TTC6: variants seen among roughly 807,000 people sequenced by gnomAD.
TTC6 encodes tetratricopeptide repeat protein 6.
TTC6 carries 172 observed loss-of-function variants against 210.4 expected under a neutral mutation model. That is an observed-to-expected ratio of 0.82 (90% CI 0.72 to 0.93). TTC6 has a LOEUF of 0.93. Ranked by LOEUF, TTC6 falls within the 40% of genes least tolerant of loss-of-function variation. TTC6 has a pLI of 0.00. For synonymous variants in TTC6, 804 were observed against 819.6 expected, an observed-to-expected ratio of 0.98 and a Z score of 0.32; for missense variants, 2,414 against 2,318.1, an observed-to-expected ratio of 1.04 and a Z score of -0.85.
At chr14:37,787,302 A>G (rs1032932112) in intron 14 of TTC6, among the ~76,000 whole-genome samples, 166 bp from the exon 17 acceptor site, 1 of 152,228 alleles carries the variant, frequency 6.6e-6, no homozygotes, top group Non-Finnish European at 1.5e-5. Flanking sequence ...CAATTTATAA[A>G]AAGTTTGTAT....
intron 5 of TTC6, among the ~76,000 whole-genome samples, chr14:37,708,069 A>G (rs1190919053): frequency 6.6e-6 from 1 of 152,074 alleles, no homozygotes; most frequent in Non-Finnish European, 1.5e-5. Flanking sequence ...AGATTACTAT[A>G]AGCTTTTCTT....
intron 10 of TTC6, among the ~76,000 whole-genome samples, chr14:37,747,421 T>G (rs1304934869): frequency 6.6e-6 from 1 of 152,208 alleles, no homozygotes; most frequent in Non-Finnish European, 1.5e-5. Flanking sequence ...ATCCTGGGAT[T>G]AAAAATGTAA....
chr14:37,599,681 C>T (rs1043761211), intron 1 of TTC6, among the ~76,000 whole-genome samples: 3 of 152,198 alleles, frequency 2.0e-5, no homozygotes, highest in Non-Finnish European at 4.4e-5. Flanking sequence ...AGAGCATCGC[C>T]TTGCCAAAAT....
At chr14:37,836,004 C>T (rs1195777667) in intron 29 of TTC6, among the ~76,000 whole-genome samples, 1 of 152,100 alleles carries the variant, frequency 6.6e-6, no homozygotes, top group East Asian at 1.9e-4. Context: ...ACTTGAAACC[C>T]TCCTTCTTTC....
At chr14:37,730,252 C>G (rs1485928885) in intron 7 of TTC6, among the ~76,000 whole-genome samples, 2 of 152,076 alleles carry the variant, frequency 1.3e-5, no homozygotes, top group Non-Finnish European at 2.9e-5. Flanking sequence ...ACCTGTTATT[C>G]CTTCTCTTAA....
intron 24 of TTC6, among the ~76,000 whole-genome samples, chr14:37,809,247 ATTTTTT>A (rs3062846): frequency 3.9e-5 from 4 of 102,602 alleles, no homozygotes; most frequent in Non-Finnish European, 3.9e-5. Flanking sequence ...CATATGCAGA[ATTTTTT>A]TTTTTTTTTT....
chr14:37,822,725 A>G (rs1169550386), intron 26 of TTC6, among the ~76,000 whole-genome samples: 1 of 152,112 alleles, frequency 6.6e-6, no homozygotes, highest in Non-Finnish European at 1.5e-5. Flanking sequence ...TAGGTGTAGA[A>G]TGTGTGGTAG....
At chr14:37,732,042 A>G (rs533888593) in intron 7 of TTC6, among the ~76,000 whole-genome samples, 97 of 152,308 alleles carry the variant, frequency 6.4e-4, no homozygotes, top group Non-Finnish European at 1.1e-3. Context: ...ATCCCTGCAC[A>G]GTTGAAAATT....
At chr14:37,748,900 A>T (rs2095943748) in intron 10 of TTC6, 39 bp from the exon 13 acceptor site, 1 of 1,392,122 alleles carries the variant, frequency 7.2e-7, no homozygotes, top group African/African-American at 1.5e-5. Flanking sequence ...AGATGATTGT[A>T]TTTCTGTAAT....
intron 14 of TTC6, among the ~76,000 whole-genome samples, chr14:37,759,938 G>T (rs1359389668): frequency 2.0e-5 from 3 of 152,104 alleles, no homozygotes; most frequent in Admixed American, 1.3e-4. Context: ...CTTGCATTGG[G>T]TTAGAATATG....
At chr14:37,676,027 G>A (rs1185506718) in intron 1 of TTC6, among the ~76,000 whole-genome samples, 1 of 151,990 alleles carries the variant, frequency 6.6e-6, no homozygotes, top group African/African-American at 2.4e-5. Flanking sequence ...GTGACTTCCA[G>A]AATATTCTTG....
intron 1 of TTC6, among the ~76,000 whole-genome samples, chr14:37,652,454 A>G (rs2095714807): frequency 1.3e-5 from 2 of 152,256 alleles, no homozygotes; most frequent in African/African-American, 2.4e-5. Context: ...GGAAGATGCA[A>G]GAAGAAATAG....
chr14:37,624,970 C>T (rs936711398), intron 1 of TTC6, among the ~76,000 whole-genome samples: 11 of 152,102 alleles, frequency 7.2e-5, no homozygotes, highest in Admixed American at 6.5e-4. Context: ...TGTTTTATGT[C>T]GGAGAGTGGC....
chr14:37,721,847 CATAT>C (rs35265224), intron 6 of TTC6, among the ~76,000 whole-genome samples: 46,404 of 117,000 alleles, frequency 0.4, 9,717 homozygotes, highest in East Asian at 0.55. Flanking sequence ...TGAGTTTCAC[CATAT>C]ATATATATAT....
At chr14:37,599,939 G>A (rs2095612340) in intron 1 of TTC6, among the ~76,000 whole-genome samples, 1 of 152,180 alleles carries the variant, frequency 6.6e-6, no homozygotes, top group Admixed American at 6.5e-5. Context: ...AGCGCCTGTT[G>A]GAGGACGTGC....
At chr14:37,633,279 C>T (rs2095673613) in intron 1 of TTC6, among the ~76,000 whole-genome samples, 1 of 152,220 alleles carries the variant, frequency 6.6e-6, no homozygotes, top group African/African-American at 2.4e-5. Flanking sequence ...ATCTCCTGGT[C>T]TGCATGTTGC....
At chr14:37,827,395 T>G in intron 29 of TTC6, 29 bp downstream of exon 31, 1 of 1,605,110 alleles carries the variant, frequency 6.2e-7, no homozygotes, top group Non-Finnish European at 8.5e-7. Flanking sequence ...AACGCTTTCT[T>G]TTTGACCTGG....
chr14:37,717,822 G>A (rs372518232), intron 6 of TTC6, among the ~76,000 whole-genome samples: 4 of 152,298 alleles, frequency 2.6e-5, no homozygotes, highest in African/African-American at 9.6e-5. Flanking sequence ...TCAAATGTTT[G>A]TCTCCTCCAA....
chr14:37,824,095 T>A, intron 27 of TTC6, 138 bp downstream of exon 29: 2 of 833,002 alleles, frequency 2.4e-6, no homozygotes, highest in Non-Finnish European at 3.7e-6. Flanking sequence ...GGTTCCAGAG[T>A]AGCAGTGGGA....
Sources: allele counts gnomAD v4.1 joint callset (sites outside exome capture counted in the v4.1 genomes callset), GRCh38; gene constraint gnomAD v4.1.1; transcripts MANE v1.5; gene names NCBI Gene and HGNC (gene_info 2026-07-23, HGNC 2026-07-21).